PTBP3: variants seen among roughly 807,000 people sequenced by gnomAD.
PTBP3 encodes polypyrimidine tract-binding protein 3.
PTBP3 carries 20 observed loss-of-function variants against 58.7 expected under a neutral mutation model. The observed-to-expected ratio is 0.34, with a 90% CI of 0.24 to 0.50. The LOEUF is 0.50. PTBP3 is among the 20% of genes least tolerant of loss of function. The pLI, the probability that PTBP3 is intolerant of heterozygous loss-of-function variation, is 0.98. For missense variants in PTBP3, 509 were observed against 637.2 expected (o/e 0.80, Z 2.17); for synonymous variants, 185 against 219.8 (o/e 0.84, Z 1.40).
At chr9:112,307,191 G>A (rs1448599748) in intron 1 of PTBP3, among the ~76,000 whole-genome samples, 4 of 152,126 alleles carry the variant, frequency 2.6e-5, no homozygotes, top group Admixed American at 6.5e-5. Flanking sequence ...GGTGGCTCAC[G>A]CCTGTAATCC....
At chr9:112,249,394 CTG>C (rs1836013474) in intron 7 of PTBP3, among the ~76,000 whole-genome samples, 1 of 151,946 alleles carries the variant, frequency 6.6e-6, no homozygotes, top group South Asian at 2.1e-4. Context: ...GCCCTAGAAA[CTG>C]TAAAGAGAAA....
the PTBP3 span, among the ~76,000 whole-genome samples, chr9:112,341,810 T>C: frequency 1.3e-5 from 2 of 152,248 alleles, no homozygotes; most frequent in Non-Finnish European, 2.9e-5. Flanking sequence ...CAAAATTCTT[T>C]ACATAGTTCT....
chr9:112,334,066 A>G (rs7024761), upstream of PTBP3, among the ~76,000 whole-genome samples: 127,696 of 151,800 alleles, frequency 0.84, 54,018 homozygotes, highest in African/African-American at 0.93. Context: ...AATGTCCCAC[A>G]AGGACCCCAG....
chr9:112,311,052 T>G (rs952034251), intron 1 of PTBP3, among the ~76,000 whole-genome samples: 10 of 152,098 alleles, frequency 6.6e-5, no homozygotes, highest in African/African-American at 2.4e-4. Context: ...AGTGAAAAGA[T>G]CAATTTGCTT....
chr9:112,273,581 T>C (rs911252923), intron 3 of PTBP3, among the ~76,000 whole-genome samples: 1 of 152,222 alleles, frequency 6.6e-6, no homozygotes, highest in Non-Finnish European at 1.5e-5. Context: ...TTCCTTTAAG[T>C]ATACAGAACC....
At position 112,222,548 on chromosome 9, in the gene PTBP3, G is replaced by C. The variant is rs532312036; in HGVS notation, c.*1303C>G. 2.0e-6 allele frequency: 2 copies of C among 985,648 alleles called. No homozygotes were observed. The highest frequency in any genetic ancestry group is 3.5e-5 in the African/African-American group (2 of 57,320). The allele number at this position is 985,648 out of a possible 1,614,324, so 61.1% of individuals were successfully genotyped here. A position where few individuals can be genotyped will look rare whatever the true frequency, so the allele number is the denominator to read the frequency against. ...TAACCCCTATCAGTCACAATGTAAA[G>C]AGGCCTACAGGTGTGCACTGAATTA... On this transcript the variant is annotated 3_prime_UTR_variant, in exon 14 of 14. Coordinates refer to ENST00000374257, the MANE Select transcript of PTBP3 (RefSeq NM_001163788.4).
chr9:112,251,725 G>GCCAC (rs933799159), intron 6 of PTBP3, among the ~76,000 whole-genome samples: 1 of 151,992 alleles, frequency 6.6e-6, no homozygotes, highest in Non-Finnish European at 1.5e-5. Context: ...GGTATTTGTG[G>GCCAC]CCACTTAACG....
intron 13 of PTBP3, 29 bp from the exon 14 acceptor site, chr9:112,224,012 T>C (rs1422207018): frequency 3.8e-6 from 6 of 1,599,412 alleles, no homozygotes; most frequent in Non-Finnish European, 5.1e-6. Flanking sequence ...ATACAGAAAG[T>C]ATTTAGAATG....
the PTBP3 span, among the ~76,000 whole-genome samples, chr9:112,353,145 C>G: frequency 1.3e-5 from 2 of 152,092 alleles, no homozygotes; most frequent in African/African-American, 4.8e-5. Context: ...GAGTGATCCA[C>G]CCACCTTGGC....
chr9:112,339,821 C>T, the PTBP3 span, among the ~76,000 whole-genome samples: 2 of 152,136 alleles, frequency 1.3e-5, no homozygotes, highest in Non-Finnish European at 2.9e-5. Flanking sequence ...CCGCCTCAGC[C>T]TCCCAAAGTG....
chr9:112,257,227 T>G (rs1433641872), intron 5 of PTBP3, among the ~76,000 whole-genome samples: 1 of 152,168 alleles, frequency 6.6e-6, no homozygotes, highest in Non-Finnish European at 1.5e-5. Context: ...TATTCACTGA[T>G]AGAGGAGCTA....
intron 2 of PTBP3, among the ~76,000 whole-genome samples, chr9:112,285,006 T>C (rs183524492): frequency 1.1e-4 from 16 of 149,334 alleles, no homozygotes; most frequent in African/African-American, 4.0e-4. Flanking sequence ...GGAGGCATGA[T>C]TGGTTTTGAA....
chr9:112,345,992 A>C, the PTBP3 span, among the ~76,000 whole-genome samples: 1 of 151,296 alleles, frequency 6.6e-6, no homozygotes, highest in African/African-American at 2.4e-5. Context: ...AGTAGCTGGG[A>C]GTATAGGTGC....
intron 8 of PTBP3, among the ~76,000 whole-genome samples, chr9:112,233,962 A>T (rs10116637): frequency 5.8e-4 from 88 of 151,774 alleles, no homozygotes; most frequent in East Asian, 9.6e-4. Context: ...AGAGAGAGAG[A>T]GTAGTTAAAA....
intron 9 of PTBP3, 132 bp downstream of exon 9, chr9:112,231,955 AAGAGAAGAGAAG>A (rs1260259141): frequency 1.1e-5 from 4 of 378,794 alleles, no homozygotes; most frequent in Admixed American, 6.3e-5. Flanking sequence ...AAGAGAAGAG[AAGAGAAGAGAAG>A]AGAGAAGAGA....
At chr9:112,252,562 G>T in intron 6 of PTBP3, 116 bp downstream of exon 6, 2 of 722,522 alleles carry the variant, frequency 2.8e-6, no homozygotes, top group Non-Finnish European at 4.7e-6. Context: ...CGACTAAAAT[G>T]GTAAACATGT....
intron 5 of PTBP3, among the ~76,000 whole-genome samples, chr9:112,260,795 T>TA: frequency 6.6e-6 from 1 of 152,202 alleles, no homozygotes; most frequent in Non-Finnish European, 1.5e-5. Flanking sequence ...AAAAGAGGGT[T>TA]AAAAAAGTGA....
intron 1 of PTBP3, among the ~76,000 whole-genome samples, chr9:112,306,961 T>C (rs1281971729): frequency 6.6e-6 from 1 of 152,136 alleles, no homozygotes; most frequent in African/African-American, 2.4e-5. Flanking sequence ...AAGGACATGG[T>C]GAAAGTTGCA....
At chr9:112,255,649 T>C (rs1836316723) in intron 5 of PTBP3, among the ~76,000 whole-genome samples, 1 of 152,158 alleles carries the variant, frequency 6.6e-6, no homozygotes, top group Non-Finnish European at 1.5e-5. Flanking sequence ...CTCCTTCATA[T>C]AACATAACAC....
Sources: allele counts gnomAD v4.1 joint callset (sites outside exome capture counted in the v4.1 genomes callset), GRCh38; gene constraint gnomAD v4.1.1; transcripts MANE v1.5; gene names NCBI Gene and HGNC (gene_info 2026-07-23, HGNC 2026-07-21).